The following SLC34A2 variants were observed in gnomAD, a reference collection of about 807,000 sequenced individuals.
SLC34A2 encodes solute carrier family 34 member 2, also known as sodium-dependent phosphate transport protein 2B.
A neutral mutation model predicts 50.8 loss-of-function variants in SLC34A2; 41 were observed. The ratio of observed to expected loss-of-function variants is 0.81; its 90% CI spans 0.63 to 1.05. SLC34A2 has a LOEUF of 1.05. Among genes scored for constraint, SLC34A2 ranks in the 50% least tolerant of loss-of-function variants. The pLI is 0.00. For synonymous variants in SLC34A2, 401 were observed against 364.2 expected (o/e 1.10, Z -1.15); for missense variants, 879 against 876.7 (o/e 1.00, Z -0.03).
At chr4:25,670,891 A>G (rs1577500020) in intron 8 of SLC34A2, 58 bp downstream of exon 8, 2 of 1,360,150 alleles carry the variant, frequency 1.5e-6, no homozygotes. Context: ...TGAACATGAA[A>G]CTAAATCTTG....
chr4:25,662,389 C>T (rs1219262451), intron 1 of SLC34A2, 109 bp from the exon 2 acceptor site: 12 of 969,510 alleles, frequency 1.2e-5, no homozygotes, highest in Admixed American at 1.9e-5. Context: ...CGCCTCCGGC[C>T]GAAACCCCCA....
chr4:25,671,467 A>T, intron 8 of SLC34A2, 134 bp from the exon 9 acceptor site: 1 of 1,043,842 alleles, frequency 9.6e-7, no homozygotes, highest in Non-Finnish European at 1.5e-6. Flanking sequence ...TTCAAGAGAA[A>T]AGAACTGTTC....
Position 25,670,563 on chromosome 4 carries a change from T to C in SLC34A2, c.832-175T>C, listed in dbSNP as rs577897406. Among the ~76,000 whole-genome samples the C allele has an allele frequency of 2.0e-5, 3 of 152,324 alleles. No individual in the cohort carries two copies. The South Asian group carries it at 6.2e-4, about 32-fold the overall frequency. On this transcript the variant is annotated intron_variant, in intron 7 of 12. Transcript: ENST00000382051. ...ATTCAGTCATCCAGAAAATATCTAC[T>C]GTCTGCTCCCTAGATATCAGTGCCT...
chr4:25,673,493 A>G (rs1482841858), intron 10 of SLC34A2, among the ~76,000 whole-genome samples: 1 of 152,144 alleles, frequency 6.6e-6, no homozygotes, highest in East Asian at 1.9e-4. Flanking sequence ...GTTCATATCT[A>G]GAGAGCTGTG....
chr4:25,670,349 C>A (rs1282768580), intron 7 of SLC34A2, among the ~76,000 whole-genome samples: 2 of 152,178 alleles, frequency 1.3e-5, no homozygotes, highest in Non-Finnish European at 2.9e-5. Context: ...CATAACATGC[C>A]ACCTTTATTG....
At chr4:25,667,550 C>T (rs115552809) in intron 5 of SLC34A2, among the ~76,000 whole-genome samples, 16 of 152,190 alleles carry the variant, frequency 1.1e-4, no homozygotes, top group Non-Finnish European at 1.9e-4. Context: ...AAAACTGATG[C>T]TTCCTTAAAG....
At chr4:25,673,017 G>A in intron 9 of SLC34A2, 70 bp from the exon 10 acceptor site, 2 of 1,504,148 alleles carry the variant, frequency 1.3e-6, no homozygotes, top group East Asian at 2.3e-5. Context: ...CAGGATCTGG[G>A]GGAATAAATA....
At chr4:25,663,205 C>G (rs994302827) in intron 3 of SLC34A2, among the ~76,000 whole-genome samples, 2 of 152,108 alleles carry the variant, frequency 1.3e-5, no homozygotes, top group Admixed American at 6.6e-5. Flanking sequence ...CCACCCTCCT[C>G]GACCTTCCAA....
chr4:25,663,033 G>C (rs1272054036), intron 3 of SLC34A2, among the ~76,000 whole-genome samples, 191 bp downstream of exon 3: 1 of 151,880 alleles, frequency 6.6e-6, no homozygotes, highest in African/African-American at 2.4e-5. Flanking sequence ...GGAGTGCAGT[G>C]GTGCGATATT....
rs777320214 is a variant in SLC34A2, at chr4:25,670,834, G to T, written c.927+1G>T. 3.7e-6 allele frequency: 6 copies of T among 1,612,026 alleles called. No homozygotes were observed. The African/African-American group carries it at 4.0e-5, about 11-fold the overall frequency. ...TTGGTGCAAAACTTTTACCAACAAG[G>T]TACGTTTCCAAGAATATTCCCGGGG... On this transcript the variant is annotated splice_donor_variant, in intron 8 of 12. Coordinates refer to ENST00000382051, the MANE Select transcript of SLC34A2 (RefSeq NM_006424.3). LOFTEE classifies it high-confidence loss of function.
At chr4:25,659,239 TCA>T (rs796586736) in intron 1 of SLC34A2, among the ~76,000 whole-genome samples, 8 of 152,220 alleles carry the variant, frequency 5.3e-5, no homozygotes, top group African/African-American at 1.9e-4. Context: ...TCTCTGTGCC[TCA>T]GTTTCTTTGT....
chr4:25,665,270 G>A (rs912198106), intron 4 of SLC34A2, among the ~76,000 whole-genome samples: 10 of 150,868 alleles, frequency 6.6e-5, no homozygotes, highest in African/African-American at 2.0e-4. Context: ...GGCTTCAAGC[G>A]ATTCTTCTGC....
In SLC34A2 at chr4:25,671,857, C is replaced by A. The variant is rs569329173; in HGVS notation, c.1048+136C>A. 20 of 1,233,406 alleles carry A rather than the reference C, an allele frequency of 1.6e-5. No individual in the cohort carries two copies. The South Asian group carries it at 2.2e-4, about 13-fold the overall frequency. The allele number at this position is 1,233,406 out of a possible 1,614,324, so 76.4% of individuals were successfully genotyped here. A position where few individuals can be genotyped will look rare whatever the true frequency, so the allele number is the denominator to read the frequency against. On this transcript the variant is annotated intron_variant, in intron 9 of 12. Transcript: ENST00000382051. Reference sequence around the variant, plus strand: ...CACCTGCCCTACATCAAGCAGTGAGCAACATGCTTTCACAGCAGAGGAAAC... The same window carrying A: ...CACCTGCCCTACATCAAGCAGTGAGAAACATGCTTTCACAGCAGAGGAAAC...
chr4:25,676,889 C>T lies in SLC34A2; in HGVS notation c.*140C>T. On this transcript the variant is annotated 3_prime_UTR_variant, in exon 13 of 13. Coordinates refer to ENST00000382051, the MANE Select transcript of SLC34A2 (RefSeq NM_006424.3). Reference sequence around the variant, plus strand: ...ATGAAATTGATGCAGTCCTACCTAACTCGATTCCCTTTGGCTTGGTGGTAG... The same window carrying T: ...ATGAAATTGATGCAGTCCTACCTAATTCGATTCCCTTTGGCTTGGTGGTAG... 2 of 1,175,170 alleles carry T rather than the reference C, an allele frequency of 1.7e-6. No individual in the cohort carries two copies. The highest frequency in any genetic ancestry group is 1.4e-5 in the South Asian group (1 of 69,762). The allele number at this position is 1,175,170 out of a possible 1,614,324, so 72.8% of individuals were successfully genotyped here. A position where few individuals can be genotyped will look rare whatever the true frequency, so the allele number is the denominator to read the frequency against.
rs138734284 is a variant in SLC34A2 at position 25,676,736 on chromosome 4, G to C, written c.2060G>C (p.Cys687Ser). Residue 687 changes from cysteine (C) to serine (S), a missense_variant, in exon 13 of 13, where the codon TGC becomes TCC. Transcript: ENST00000382051. ...EVPASDSKTECTAL is the reference protein window; with the variant it reads ...EVPASDSKTESTAL Reference sequence around the variant, plus strand: ...CCTGCCTCGGACTCAAAGACCGAATGCACGGCCTTGTAGGGGACGCCCCAG... The same window carrying C: ...CCTGCCTCGGACTCAAAGACCGAATCCACGGCCTTGTAGGGGACGCCCCAG... 2.8e-4 allele frequency: 454 copies of C among 1,614,012 alleles called. No homozygotes were observed. Among genetic ancestry groups the C allele is most frequent in the Non-Finnish European group, 3.8e-4 (443 of 1,179,990 alleles).
intron 8 of SLC34A2, 151 bp downstream of exon 8, chr4:25,670,984 T>C: frequency 1.4e-6 from 1 of 696,730 alleles, no homozygotes; most frequent in South Asian, 1.6e-5. Flanking sequence ...TGAATGCCTT[T>C]AGAAAACAAG....
chr4:25,675,947 C>A (rs183764997), intron 12 of SLC34A2, among the ~76,000 whole-genome samples, 188 bp from the exon 13 acceptor site: 4 of 152,320 alleles, frequency 2.6e-5, no homozygotes, highest in Non-Finnish European at 1.5e-5. Context: ...TCCTGGCCCT[C>A]CCAGACACAT....
intron 9 of SLC34A2, among the ~76,000 whole-genome samples, chr4:25,672,244 C>G (rs1714857789): frequency 6.6e-6 from 1 of 152,182 alleles, no homozygotes; most frequent in Non-Finnish European, 1.5e-5. Flanking sequence ...CCACTACACT[C>G]CAGCCTGGGC....
intron 4 of SLC34A2, among the ~76,000 whole-genome samples, chr4:25,665,413 C>G (rs953868473): frequency 6.6e-6 from 1 of 152,016 alleles, no homozygotes; most frequent in Non-Finnish European, 1.5e-5. Flanking sequence ...TTGTTCCGCC[C>G]GTCCTCCGCC....
Sources: gnomAD v4.1 joint callset for allele counts (sites outside exome capture counted in the v4.1 genomes callset) on GRCh38, gnomAD v4.1.1 for gene constraint, MANE v1.5 for transcripts, NCBI Gene and HGNC (gene_info 2026-07-23, HGNC 2026-07-21) for gene names.